Variants in PTPN1 observed in about 807,000 individuals in gnomAD.
PTPN1 encodes tyrosine-protein phosphatase non-receptor type 1.
PTPN1 carries 12 observed loss-of-function variants against 59.9 expected under a neutral mutation model. The observed-to-expected ratio is 0.20, with a 90% CI of 0.13 to 0.32. The LOEUF is 0.32. Among genes scored for constraint, PTPN1 ranks in the 10% least tolerant of loss-of-function variants. PTPN1 has a pLI of 1.00. For synonymous variants in PTPN1, 178 were observed against 203.6 expected (o/e 0.87, Z 1.07); for missense variants, 356 against 549.2 (o/e 0.65, Z 3.52).
chr20:50,535,562 T>C (rs141291063), intron 1 of PTPN1, among the ~76,000 whole-genome samples: 85 of 152,264 alleles, frequency 5.6e-4, no homozygotes, highest in Non-Finnish European at 6.3e-4. Context: ...TCCATCTGCT[T>C]AGGGGAAAGT....
chr20:50,574,704 C>G (rs758003648), intron 5 of PTPN1, 50 bp downstream of exon 5: 1 of 1,548,762 alleles, frequency 6.5e-7, no homozygotes, highest in African/African-American at 1.4e-5. Flanking sequence ...GGTTCACATG[C>G]CTCTTCCTTT....
intron 1 of PTPN1, among the ~76,000 whole-genome samples, chr20:50,545,796 G>T (rs536703208): frequency 1.3e-5 from 2 of 152,030 alleles, no homozygotes; most frequent in East Asian, 3.9e-4. Flanking sequence ...CAGGCAGATC[G>T]CTTGAGCCCA....
At chr20:50,566,761 G>A (rs536216171) in intron 3 of PTPN1, among the ~76,000 whole-genome samples, 3 of 152,154 alleles carry the variant, frequency 2.0e-5, no homozygotes, top group Non-Finnish European at 4.4e-5. Context: ...GCGTGTCCTT[G>A]CAGATCTTAG....
intron 1 of PTPN1, among the ~76,000 whole-genome samples, chr20:50,519,304 T>C (rs1980682328): frequency 6.6e-6 from 1 of 152,196 alleles, no homozygotes; most frequent in Non-Finnish European, 1.5e-5. Flanking sequence ...GTTAATACAC[T>C]CAGAGAGAGA....
At chr20:50,522,486 T>C (rs900571397) in intron 1 of PTPN1, among the ~76,000 whole-genome samples, 2 of 152,212 alleles carry the variant, frequency 1.3e-5, no homozygotes, top group African/African-American at 4.8e-5. Context: ...CTTATCCTCA[T>C]AGCTATAATA....
At chr20:50,553,222 C>G (rs972375308) in intron 1 of PTPN1, among the ~76,000 whole-genome samples, 8 of 152,030 alleles carry the variant, frequency 5.3e-5, no homozygotes, top group Non-Finnish European at 7.4e-5. Flanking sequence ...GTGACTAATA[C>G]GAAAACTATA....
intron 1 of PTPN1, among the ~76,000 whole-genome samples, chr20:50,556,153 T>C (rs989663867): frequency 3.9e-5 from 6 of 152,156 alleles, no homozygotes; most frequent in African/African-American, 1.2e-4. Context: ...GTTTGTAATC[T>C]GTCATCATGC....
chr20:50,544,246 C>T (rs2082665155), intron 1 of PTPN1, among the ~76,000 whole-genome samples: 1 of 151,880 alleles, frequency 6.6e-6, no homozygotes. Context: ...GACTTCTGGG[C>T]CTCAAGGGAT....
In PTPN1 at chr20:50,583,536, T is replaced by G. The variant is rs992058240; in HGVS notation, c.*821T>G. On this transcript the variant is annotated 3_prime_UTR_variant, in exon 10 of 10. Coordinates refer to ENST00000371621, the MANE Select transcript of PTPN1 (RefSeq NM_002827.4). ...TCTTCTTGTGTCCTGATGAAAAATA[T>G]GTGCTTGAAATGAGAAACTTTGATC... 1 of 152,290 alleles carries G rather than the reference T, an allele frequency of 6.6e-6. No homozygotes were observed. The highest frequency in any genetic ancestry group is 1.5e-5 in the Non-Finnish European group (1 of 68,074). 9.4% of individuals were successfully genotyped at this position (152,290 alleles called of 1,614,324 possible).
chr20:50,510,614 G>C, intron 1 of PTPN1, 24 bp downstream of exon 1: 1 of 1,549,598 alleles, frequency 6.5e-7, no homozygotes, highest in Non-Finnish European at 8.7e-7. Context: ...CCGGAGCGTG[G>C]CGGGCCCTTC....
chr20:50,519,618 AC>A (rs1334888107), intron 1 of PTPN1, among the ~76,000 whole-genome samples: 2 of 152,166 alleles, frequency 1.3e-5, no homozygotes, highest in East Asian at 3.9e-4. Flanking sequence ...GGAGGTAGTT[AC>A]CCTTCTAACC....
chr20:50,541,600 T>C (rs112738949), intron 1 of PTPN1, among the ~76,000 whole-genome samples: 95 of 152,286 alleles, frequency 6.2e-4, no homozygotes, highest in African/African-American at 2.2e-3. Context: ...CAGGTCATCG[T>C]AGTATGGCGT....
chr20:50,537,344 T>A (rs576977771), intron 1 of PTPN1, among the ~76,000 whole-genome samples: 27 of 152,076 alleles, frequency 1.8e-4, no homozygotes, highest in African/African-American at 6.0e-4. Flanking sequence ...ATAATAATAA[T>A]AAATAAACTT....
At chr20:50,559,331 A>G (rs1376442855) in intron 1 of PTPN1, among the ~76,000 whole-genome samples, 1 of 152,182 alleles carries the variant, frequency 6.6e-6, no homozygotes, top group Admixed American at 6.5e-5. Flanking sequence ...TGGGCTAGGT[A>G]TAGAATTCCA....
At chr20:50,578,757 C>T (rs990987067) in intron 6 of PTPN1, 128 bp downstream of exon 6, 82 of 805,210 alleles carry the variant, frequency 1.0e-4, no homozygotes, top group African/African-American at 7.6e-4. Flanking sequence ...TCTGTTTTTG[C>T]GTTACTAATA....
chr20:50,514,204 G>C (rs1332198571), intron 1 of PTPN1, among the ~76,000 whole-genome samples: 1 of 152,238 alleles, frequency 6.6e-6, no homozygotes, highest in African/African-American at 2.4e-5. Flanking sequence ...GTTCTAAAAA[G>C]TCAGCTGGGG....
chr20:50,537,143 C>T (rs554586708), intron 1 of PTPN1, among the ~76,000 whole-genome samples: 10 of 152,022 alleles, frequency 6.6e-5, no homozygotes, highest in South Asian at 4.2e-4. Context: ...GCCAACATGG[C>T]GAAACCCTGT....
intron 2 of PTPN1, among the ~76,000 whole-genome samples, chr20:50,563,383 TAC>T (rs939562790): frequency 1.3e-5 from 2 of 152,190 alleles, no homozygotes; most frequent in Non-Finnish European, 2.9e-5. Context: ...GGGCTCTGTA[TAC>T]ACCTCAGCTC....
intron 1 of PTPN1, among the ~76,000 whole-genome samples, chr20:50,538,308 C>G (rs970638239): frequency 6.6e-6 from 1 of 151,536 alleles, no homozygotes; most frequent in Non-Finnish European, 1.5e-5. Flanking sequence ...AGAAGAGAAG[C>G]TGGTTGTCAG....
Sources: gnomAD v4.1 joint callset for allele counts (sites outside exome capture counted in the v4.1 genomes callset) on GRCh38, gnomAD v4.1.1 for gene constraint, MANE v1.5 for transcripts, NCBI Gene and HGNC (gene_info 2026-07-23, HGNC 2026-07-21) for gene names.